CELSR1: variants seen among roughly 807,000 people sequenced by gnomAD.
CELSR1 encodes cadherin EGF LAG seven-pass G-type receptor 1, also known as adhesion G protein-coupled receptor C1.
A neutral mutation model predicts 249.1 loss-of-function variants in CELSR1; 110 were observed. The ratio of observed to expected loss-of-function variants is 0.44; its 90% confidence interval spans 0.38 to 0.52. The LOEUF is 0.52. Ranked by LOEUF, CELSR1 falls within the 20% of genes least tolerant of loss-of-function variation. The pLI, the probability that CELSR1 is intolerant of heterozygous loss-of-function variation, is 0.00. For missense variants in CELSR1, 4,109 were observed against 4,296.4 expected (o/e 0.96, Z 1.22); for synonymous variants, 2,113 against 1,900.0 (o/e 1.11, Z -2.92).
rs1308417283 is a variant in CELSR1 at position 46,395,864 on chromosome 22, A to G, written c.5843+741T>C. Among the ~76,000 whole-genome samples, 3 of 152,170 alleles carry G rather than the reference A, an allele frequency of 2.0e-5. No homozygotes were observed. Among genetic ancestry groups the G allele is most frequent in the Non-Finnish European group, 4.4e-5 (3 of 68,014 alleles). On this transcript the variant is annotated intron_variant, in intron 13 of 34. Transcript: ENST00000674500. The surrounding 1 kb of genome is among the most constrained non-coding windows in gnomAD (Gnocchi z 5.5). Reference sequence around the variant, plus strand: ...ACCTGTACCCAGCGATCCCCGTGCAAAGGGTACAGAGCCCAGAGCCCAGAG... The same window carrying G: ...ACCTGTACCCAGCGATCCCCGTGCAGAGGGTACAGAGCCCAGAGCCCAGAG...
At chr22:46,531,377 T>C (rs938945782) in intron 1 of CELSR1, among the ~76,000 whole-genome samples, 1 of 152,068 alleles carries the variant, frequency 6.6e-6, no homozygotes, top group African/African-American at 2.4e-5. Context: ...GGCTAATTTT[T>C]GTATTTTTAG....
Position 46,381,959 on chromosome 22 carries a change from C to A in CELSR1, c.6975G>T (p.Arg2325Ser), listed in dbSNP as rs758578857. ...CAGCGTCATCAGGGTGTCGCCTCCG[C>A]CTGCTGATCGGGGCCTCCCTCTCGG... ...PGTEREAPIS[R>S]RRRHPDDAGQ... Residue 2325 changes from arginine (R) to serine (S), a missense_variant, in exon 21 of 35, where the codon AGG becomes AGT. Coordinates refer to ENST00000674500, the MANE Select transcript of CELSR1 (RefSeq NM_001378328.1). The surrounding 1 kb of genome is among the most constrained non-coding windows in gnomAD (Gnocchi z 6.0). 1.7e-5 allele frequency: 26 copies of A among 1,564,922 alleles called. No individual in the cohort carries two copies. The highest frequency in any genetic ancestry group is 3.7e-5 in the Admixed American group (2 of 53,902).
rs532891051 is a variant in CELSR1, at chr22:46,370,011, G to A, written c.7760-207C>T. The A allele has an allele frequency of 1.5e-4, 96 of 652,116 alleles. No homozygotes were observed. In the African/African-American group the frequency reaches 1.5e-3, roughly 10 times the overall value. 40.4% of individuals were successfully genotyped at this position (652,116 alleles called of 1,614,324 possible). On this transcript the variant is annotated intron_variant, in intron 25 of 34. Coordinates refer to ENST00000674500, the MANE Select transcript of CELSR1 (RefSeq NM_001378328.1). ...TCAGGCTCACTGGCCCAGGTGGCAG[G>A]AGCTGCTCCTGGATTGGCCCCATGA...
intron 1 of CELSR1, among the ~76,000 whole-genome samples, chr22:46,532,706 A>G (rs1004513776): frequency 6.6e-6 from 1 of 152,154 alleles, no homozygotes; most frequent in Non-Finnish European, 1.5e-5. Context: ...GCATCCTTGG[A>G]TGCACGGTCA....
chr22:46,400,542 C>A (rs930223268), intron 9 of CELSR1, among the ~76,000 whole-genome samples: 1 of 152,102 alleles, frequency 6.6e-6, no homozygotes. Context: ...CAGGCTAAGG[C>A]AGCAGAATCG....
At chr22:46,455,105 C>T (rs1487342037) in intron 2 of CELSR1, among the ~76,000 whole-genome samples, 2 of 152,184 alleles carry the variant, frequency 1.3e-5, no homozygotes, top group Non-Finnish European at 2.9e-5. Context: ...CAGATACCAC[C>T]TGGGGCTACC....
Position 46,396,837 on chromosome 22 carries a change from T to C in CELSR1, c.5702-91A>G. On this transcript the variant is annotated intron_variant, in intron 12 of 34. Transcript: ENST00000674500. The surrounding 1 kb of genome is among the most constrained non-coding windows in gnomAD (Gnocchi z 6.4). ...GGAGCAACCTGTCCCCTCCAGAAGA[T>C]CTGACTTTCCCTGGTACTCAGCAGA... 1 of 1,511,374 alleles carries C rather than the reference T, an allele frequency of 6.6e-7. No individual in the cohort carries two copies. Among genetic ancestry groups the C allele is most frequent in the Non-Finnish European group, 9.0e-7 (1 of 1,114,432 alleles). The allele number at this position is 1,511,374 out of a possible 1,614,324, so 93.6% of individuals were successfully genotyped here.
intron 1 of CELSR1, among the ~76,000 whole-genome samples, chr22:46,532,092 G>T (rs573818299): frequency 3.9e-5 from 6 of 152,076 alleles, no homozygotes; most frequent in African/African-American, 1.5e-4. Flanking sequence ...GGCTAACAGC[G>T]GGGGGGCCCA....
rs1432527061 is a variant in CELSR1 at position 46,413,342 on chromosome 22, G to C, written c.4612-1583C>G. On this transcript the variant is annotated intron_variant, in intron 5 of 34. Transcript: ENST00000674500. The surrounding 1 kb of genome is among the most constrained non-coding windows in gnomAD (Gnocchi z 4.7). ...GACTTCTGGGGACCCTGGACACCCA[G>C]GCAGCACGCCCTGCCTGGAGTTGTG... Among the ~76,000 whole-genome samples the C allele has an allele frequency of 6.6e-6, 1 of 152,206 alleles. No individual in the cohort carries two copies. The highest frequency in any genetic ancestry group is 1.5e-5 in the Non-Finnish European group (1 of 68,036).
chr22:46,494,838 T>C (rs781244015), intron 1 of CELSR1, among the ~76,000 whole-genome samples: 4 of 152,218 alleles, frequency 2.6e-5, no homozygotes, highest in Admixed American at 6.5e-5. Flanking sequence ...TTTATAGTGT[T>C]CTGCCCATCT....
rs2080175598 is a variant in CELSR1 at position 46,473,371 on chromosome 22, T to A, written c.3545-9026A>T. On this transcript the variant is annotated intron_variant, in intron 1 of 34. Coordinates refer to ENST00000674500, the MANE Select transcript of CELSR1 (RefSeq NM_001378328.1). This position sits in a 1 kb window ranked among gnomAD's most constrained non-coding sequence, Gnocchi z 6.6. ...ACCCTAGTCCTGGCATGGGAGGGTCTGCTGAGGACATGGAGGAGGAAAGGC... is the reference window on the plus strand; with the variant it reads ...ACCCTAGTCCTGGCATGGGAGGGTCAGCTGAGGACATGGAGGAGGAAAGGC... 6.6e-6 allele frequency among the ~76,000 whole-genome samples: 1 copy of A among 152,084 alleles called. No individual in the cohort carries two copies. The highest frequency in any genetic ancestry group is 6.6e-5 in the Admixed American group (1 of 15,264).
intron 3 of CELSR1, among the ~76,000 whole-genome samples, chr22:46,438,356 CGCCCCCCAACCCG>C (rs528172289): frequency 3.2e-4 from 49 of 152,222 alleles, no homozygotes; most frequent in African/African-American, 1.0e-3. Flanking sequence ...AGCAGCTAGG[CGCCCCCCAACCCG>C]GCCCCTCACA....
chr22:46,513,918 C>T (rs889872078), intron 1 of CELSR1, among the ~76,000 whole-genome samples: 2 of 150,468 alleles, frequency 1.3e-5, no homozygotes, highest in African/African-American at 2.4e-5. Context: ...TCAGCCCCCC[C>T]CGAGTAGCTG....
In CELSR1 at chr22:46,518,649, C is replaced by T. The variant is rs992787409; in HGVS notation, c.3544+14978G>A. 6.6e-6 allele frequency among the ~76,000 whole-genome samples: 1 copy of T among 152,216 alleles called. No individual in the cohort carries two copies. Reference sequence around the variant, plus strand: ...AGATGGGGCCAGGCACGGTGGCCCACGCCTGTAATCCGAGTGTGGCTGCGG... The same window carrying T: ...AGATGGGGCCAGGCACGGTGGCCCATGCCTGTAATCCGAGTGTGGCTGCGG... On this transcript the variant is annotated intron_variant, in intron 1 of 34. Coordinates refer to ENST00000674500, the MANE Select transcript of CELSR1 (RefSeq NM_001378328.1). The surrounding 1 kb of genome is among the most constrained non-coding windows in gnomAD (Gnocchi z 5.2).
At chr22:46,383,014 T>A (rs998451554) in intron 20 of CELSR1, among the ~76,000 whole-genome samples, 2 of 152,190 alleles carry the variant, frequency 1.3e-5, no homozygotes, top group Non-Finnish European at 2.9e-5. Context: ...CCAAATCTCA[T>A]GTTGAAATGT....
rs980367986 is a variant in CELSR1 at position 46,429,540 on chromosome 22, C to A, written c.4611+3853G>T. On this transcript the variant is annotated intron_variant, in intron 5 of 34. Coordinates refer to ENST00000674500, the MANE Select transcript of CELSR1 (RefSeq NM_001378328.1). This position sits in a 1 kb window ranked among gnomAD's most constrained non-coding sequence, Gnocchi z 4.1. ...GGAAAAACGTCCGACTCCAATGTACCCTTTGGTTTTGCTGAAGGTGAATTA... is the reference window on the plus strand; with the variant it reads ...GGAAAAACGTCCGACTCCAATGTACACTTTGGTTTTGCTGAAGGTGAATTA... 4.6e-5 allele frequency among the ~76,000 whole-genome samples: 7 copies of A among 152,208 alleles called. No individual in the cohort carries two copies. Among genetic ancestry groups the A allele is most frequent in the African/African-American group, 1.7e-4 (7 of 41,446 alleles).
chr22:46,438,506 GTGAT>G (rs1185144655), intron 3 of CELSR1, among the ~76,000 whole-genome samples: 1 of 152,190 alleles, frequency 6.6e-6, no homozygotes, highest in Non-Finnish European at 1.5e-5. Flanking sequence ...AAAACCCTCG[GTGAT>G]TTAGGGTCAG....
chr22:46,524,910 G>T (rs1048893327), intron 1 of CELSR1, among the ~76,000 whole-genome samples: 3 of 152,096 alleles, frequency 2.0e-5, no homozygotes, highest in Admixed American at 6.6e-5. Flanking sequence ...AAAGGCACTG[G>T]GCCCTCCACC....
At chr22:46,485,009 T>C (rs914983176) in intron 1 of CELSR1, among the ~76,000 whole-genome samples, 4 of 151,978 alleles carry the variant, frequency 2.6e-5, no homozygotes, top group Admixed American at 1.3e-4. Flanking sequence ...AAGAGACTGA[T>C]TCAGCATGAC....
Sources: allele counts gnomAD v4.1 joint callset (sites outside exome capture counted in the v4.1 genomes callset), GRCh38; gene constraint gnomAD v4.1.1; non-coding constraint Gnocchi (gnomAD v3.1); transcripts MANE v1.5; gene names NCBI Gene and HGNC (gene_info 2026-07-23, HGNC 2026-07-21).